SARS1: variants seen among roughly 807,000 people sequenced by gnomAD.
The protein encoded by SARS1 is serine--tRNA ligase, cytoplasmic.
SARS1 carries 25 observed loss-of-function variants against 63.7 expected under a neutral mutation model. The ratio of observed to expected loss-of-function variants is 0.39; its 90% CI spans 0.29 to 0.55. The LOEUF (loss-of-function observed/expected upper bound fraction) is 0.55. SARS1 is among the 20% of genes least tolerant of loss of function. The pLI, the probability that SARS1 is intolerant of heterozygous loss-of-function variation, is 0.62. For synonymous variants in SARS1, 231 were observed against 243.5 expected, an observed-to-expected ratio of 0.95 and a Z score of 0.48; for missense variants, 417 against 649.7, an observed-to-expected ratio of 0.64 and a Z score of 3.89.
At chr1:109,231,067 A>C (rs1557718437) in intron 5 of SARS1, 46 bp downstream of exon 5, 1 of 1,038,926 alleles carries the variant, frequency 9.6e-7, no homozygotes, top group Non-Finnish European at 1.2e-6. Context: ...AAAAGAAACA[A>C]AATATATATA....
Position 109,236,545 on chromosome 1 carries a change from C to T in SARS1, c.1254C>T (p.Asp418=). The T allele has an allele frequency of 6.2e-7, 1 of 1,600,770 alleles. No individual in the cohort carries two copies. The highest frequency in any genetic ancestry group is 8.6e-7 in the Non-Finnish European group (1 of 1,168,774). The stretch of plus-strand genomic sequence containing the variant: ...ATGGGCAAACCAAGAAGATGATGGA[C>T]AAGGTAGATGGCCCCCAGGGAGGTG... ...IRYGQTKKMM[D]KVEFVHMLNA... is the part of the protein sequence containing the mutation. Residue 418 remains aspartate (D), a synonymous_variant, in exon 9 of 11, where the codon GAC becomes GAT. Transcript: ENST00000234677.
chr1:109,216,940 C>T (rs1654804059), intron 1 of SARS1: 3 of 985,300 alleles, frequency 3.0e-6, no homozygotes, highest in Admixed American at 6.2e-5. Flanking sequence ...GTTATTTCCT[C>T]ATAACCTTTA....
rs149987127 is a variant in SARS1 at position 109,232,319 on chromosome 1, G to A, written c.747+533G>A. On this transcript the variant is annotated intron_variant, in intron 6 of 10. Transcript: ENST00000234677. ...GACAATTCAAGTCAAGGTTCAGAAG[G>A]TCATTCTGATCAACTGGCTCTAACA... is the stretch of plus-strand genomic sequence containing the variant. Among the ~76,000 whole-genome samples, 191 of 152,342 alleles carry A rather than the reference G, an allele frequency of 1.3e-3. No homozygotes were observed. In the Middle Eastern group the frequency reaches 0.027, roughly 22 times the overall value.
chr1:109,232,133 A>G (rs564853107), intron 6 of SARS1, among the ~76,000 whole-genome samples: 2 of 152,236 alleles, frequency 1.3e-5, no homozygotes, highest in African/African-American at 4.8e-5. Context: ...GACAAAAGGA[A>G]ATTACAGTGG....
At chr1:109,234,991 A>G (rs1168379328) in intron 6 of SARS1, among the ~76,000 whole-genome samples, 1 of 151,994 alleles carries the variant, frequency 6.6e-6, no homozygotes, top group Non-Finnish European at 1.5e-5. Context: ...ATAAGTGGAA[A>G]ATATTCTTTC....
intron 1 of SARS1, among the ~76,000 whole-genome samples, chr1:109,219,335 C>CTATATATATATATA (rs112352590): frequency 1.6e-5 from 2 of 127,312 alleles, no homozygotes; most frequent in African/African-American, 5.9e-5. Context: ...TATATACACA[C>CTATATATATATATA]TATATATATA....
At chr1:109,228,319 T>C in intron 2 of SARS1, 33 bp from the exon 3 acceptor site, 1 of 1,492,210 alleles carries the variant, frequency 6.7e-7, no homozygotes, top group Non-Finnish European at 9.3e-7. Context: ...TTTTCTTTTA[T>C]TTATTTGTGT....
At chr1:109,215,428 A>T (rs1654760989) in intron 1 of SARS1, 1 of 985,336 alleles carries the variant, frequency 1.0e-6, no homozygotes, top group Non-Finnish European at 1.2e-6. Context: ...TTTGTCCCTT[A>T]TCTGAAAAGT....
intron 1 of SARS1, among the ~76,000 whole-genome samples, chr1:109,221,970 G>GTATATATATATA (rs773937466): frequency 7.1e-5 from 2 of 28,064 alleles, no homozygotes; most frequent in Admixed American, 6.3e-4. Context: ...TTGTGTGTGT[G>GTATATATATATA]TATATATATA....
At chr1:109,236,663 T>C in intron 9 of SARS1, 115 bp downstream of exon 9, 1 of 1,499,130 alleles carries the variant, frequency 6.7e-7, no homozygotes, top group Non-Finnish European at 8.9e-7. Context: ...TCTGAGCTTC[T>C]CAATCTAGAC....
intron 1 of SARS1, chr1:109,216,523 A>AT: frequency 2.0e-6 from 2 of 985,180 alleles, no homozygotes; most frequent in Non-Finnish European, 2.4e-6. Context: ...ATAGATTTCC[A>AT]TGTAACTGGA....
rs746725574 is a variant in SARS1 at position 109,231,714 on chromosome 1, C to A, written c.675C>A (p.Thr225=). The A allele has an allele frequency of 1.9e-6, 3 of 1,597,614 alleles. No individual in the cohort carries two copies. Among genetic ancestry groups the A allele is most frequent in the Non-Finnish European group, 1.7e-6 (2 of 1,172,826 alleles). Residue 225 remains threonine, a synonymous_variant, in exon 6 of 11, where the codon ACC becomes ACA. Transcript: ENST00000234677. ...LGSRGYIPIY[T]PFFMRKEVMQ... ...GTCGGGGCTACATTCCCATTTATAC[C>A]CCCTTTTTCATGAGGAAGGAGGTCA...
intron 9 of SARS1, chr1:109,236,767 A>G (rs1207489987): frequency 1.3e-6 from 2 of 1,564,130 alleles, no homozygotes; most frequent in South Asian, 1.2e-5. Flanking sequence ...AGGTAATTCT[A>G]GCTTTTCTCT....
At chr1:109,230,805 CA>C (rs775189489) in intron 4 of SARS1, 72 bp from the exon 5 acceptor site, 107,683 of 965,372 alleles carry the variant, frequency 0.11, 1 homozygote, top group South Asian at 0.15. Flanking sequence ...ACCCTGTCTC[CA>C]AAAAAAAAAA....
chr1:109,216,638 C>A, intron 1 of SARS1: 1 of 952,748 alleles, frequency 1.0e-6, no homozygotes, highest in Non-Finnish European at 1.2e-6. Context: ...TTGTTGTTTC[C>A]TTTTTTTTTA....
intron 2 of SARS1, among the ~76,000 whole-genome samples, chr1:109,225,910 A>G (rs1277273092): frequency 2.0e-5 from 3 of 152,182 alleles, no homozygotes; most frequent in Admixed American, 2.0e-4. Flanking sequence ...CATTGCAAAA[A>G]TCTTGAGATT....
chr1:109,231,073 A>T, intron 5 of SARS1, 52 bp downstream of exon 5: 2 of 991,956 alleles, frequency 2.0e-6, no homozygotes, highest in Non-Finnish European at 2.5e-6. Flanking sequence ...AACAAAATAT[A>T]TATATATATA....
At chr1:109,222,382 T>A (rs559088476) in intron 1 of SARS1, among the ~76,000 whole-genome samples, 1 of 146,052 alleles carries the variant, frequency 6.8e-6, no homozygotes, top group African/African-American at 2.5e-5. Flanking sequence ...TTTGCACACA[T>A]GTGTGTGTGT....
In SARS1 at chr1:109,215,923, C is replaced by T. The variant is rs1175700386; in HGVS notation, c.136+1795C>T. ...TTCACCATGTTGGCCAGGCTGGTCTCTAACTCCTGACCTCAAGTGATCCGC... is the reference window on the plus strand; with the variant it reads ...TTCACCATGTTGGCCAGGCTGGTCTTTAACTCCTGACCTCAAGTGATCCGC... On this transcript the variant is annotated intron_variant, in intron 1 of 10. Coordinates refer to ENST00000234677, the MANE Select transcript of SARS1 (RefSeq NM_006513.4). 2.1e-5 allele frequency: 12 copies of T among 576,490 alleles called. No homozygotes were observed. In the South Asian group the frequency reaches 8.4e-4, roughly 40 times the overall value. 35.7% of individuals were successfully genotyped at this position (576,490 alleles called of 1,614,324 possible).
Sources: allele counts gnomAD v4.1 joint callset (sites outside exome capture counted in the v4.1 genomes callset), GRCh38; gene constraint gnomAD v4.1.1; transcripts MANE v1.5; gene names NCBI Gene and HGNC (gene_info 2026-07-23, HGNC 2026-07-21).